The following AGPS variants were observed in gnomAD, a reference collection of about 807,000 sequenced individuals.
The protein encoded by AGPS is alkyldihydroxyacetonephosphate synthase, peroxisomal.
A neutral mutation model predicts 90.7 loss-of-function variants in AGPS; 26 were observed. The observed-to-expected ratio is 0.29, with a 90% CI of 0.21 to 0.40. The LOEUF is 0.40. Among genes scored for constraint, AGPS ranks in the 10% least tolerant of loss-of-function variants. The probability of loss-of-function intolerance (pLI) is 1.00; values close to 1 mark genes in which losing one functional copy is unlikely to be tolerated. For missense variants in AGPS, 540 were observed against 816.1 expected (o/e 0.66, Z 4.12); for synonymous variants, 294 against 285.3 (o/e 1.03, Z -0.31).
intron 10 of AGPS, among the ~76,000 whole-genome samples, chr2:177,469,198 G>A (rs1687540471): frequency 6.6e-6 from 1 of 152,050 alleles, no homozygotes. Context: ...ATGGGAGAGG[G>A]ACATTCCTTA....
At chr2:177,465,338 AC>A (rs76238344) in intron 9 of AGPS, among the ~76,000 whole-genome samples, 107,185 of 151,928 alleles carry the variant, frequency 0.71, 38,189 homozygotes, top group Admixed American at 0.78. Flanking sequence ...CATTTTGAAC[AC>A]TTTTAACATC....
intron 2 of AGPS, among the ~76,000 whole-genome samples, chr2:177,432,091 TG>T (rs1686261822): frequency 6.6e-6 from 1 of 152,104 alleles, no homozygotes; most frequent in East Asian, 1.9e-4. Context: ...TGCCCCAGAG[TG>T]AGAGTCACTT....
intron 2 of AGPS, among the ~76,000 whole-genome samples, chr2:177,429,441 G>A (rs1393143186): frequency 6.6e-6 from 1 of 152,154 alleles, no homozygotes; most frequent in Non-Finnish European, 1.5e-5. Flanking sequence ...TCTCATCTTT[G>A]TGGGATTATC....
chr2:177,463,067 A>G (rs1687347699), intron 9 of AGPS, among the ~76,000 whole-genome samples: 1 of 152,184 alleles, frequency 6.6e-6, no homozygotes, highest in Non-Finnish European at 1.5e-5. Flanking sequence ...AAATAGGCTG[A>G]TTGAAATTGT....
At chr2:177,394,255 A>T (rs1278156030) in intron 1 of AGPS, among the ~76,000 whole-genome samples, 1 of 152,246 alleles carries the variant, frequency 6.6e-6, no homozygotes, top group African/African-American at 2.4e-5. Flanking sequence ...ATACAGCGTT[A>T]TAAGAAACTT....
chr2:177,446,266 G>C (rs940453118), intron 8 of AGPS, among the ~76,000 whole-genome samples: 3 of 151,940 alleles, frequency 2.0e-5, no homozygotes, highest in African/African-American at 7.3e-5. Context: ...CCATTCTCCT[G>C]CCTCAGCCTC....
chr2:177,402,668 T>A (rs1685361563), intron 1 of AGPS, among the ~76,000 whole-genome samples: 1 of 152,212 alleles, frequency 6.6e-6, no homozygotes, highest in African/African-American at 2.4e-5. Flanking sequence ...AACATACGGT[T>A]AAGTGCTAAG....
chr2:177,412,090 A>T (rs547003318), intron 1 of AGPS, among the ~76,000 whole-genome samples: 1 of 152,302 alleles, frequency 6.6e-6, no homozygotes, highest in South Asian at 2.1e-4. Flanking sequence ...AGGACACAGC[A>T]TAGAGCTTCA....
chr2:177,455,872 T>G (rs1032505206), intron 8 of AGPS, among the ~76,000 whole-genome samples: 1 of 152,172 alleles, frequency 6.6e-6, no homozygotes, highest in East Asian at 1.9e-4. Context: ...TATCTGAAGG[T>G]CAGCTTGTAG....
Position 177,543,706 on chromosome 2 carries a change from A to G in AGPS, c.*5511A>G, listed in dbSNP as rs1189227280. ...CACAAGGGCTCAACACATAGTCAGT[A>G]TTCCGTGCTTTCAGTGTGTGTTCAG... On this transcript the variant is annotated 3_prime_UTR_variant, in exon 20 of 20. Transcript: ENST00000264167. 6.6e-6 allele frequency: 1 copy of G among 152,216 alleles called. No individual in the cohort carries two copies. The highest frequency in any genetic ancestry group is 1.5e-5 in the Non-Finnish European group (1 of 68,030). The allele number at this position is 152,216 out of a possible 1,614,324, so 9.4% of individuals were successfully genotyped here.
At chr2:177,524,415 C>A (rs2079062007) in intron 19 of AGPS, among the ~76,000 whole-genome samples, 1 of 152,050 alleles carries the variant, frequency 6.6e-6, no homozygotes, top group African/African-American at 2.4e-5. Flanking sequence ...ATGAGGCAAC[C>A]CTTTAAAACT....
chr2:177,495,477 CT>C (rs1397393017), intron 12 of AGPS, among the ~76,000 whole-genome samples: 17 of 152,198 alleles, frequency 1.1e-4, no homozygotes, highest in African/African-American at 4.1e-4. Flanking sequence ...AGTTTTTGCA[CT>C]GTCTGTAACC....
chr2:177,438,910 G>C (rs533272924), intron 5 of AGPS, among the ~76,000 whole-genome samples: 7 of 152,088 alleles, frequency 4.6e-5, no homozygotes, highest in African/African-American at 1.2e-4. Flanking sequence ...AGGAGGCCTA[G>C]TTTTGAGACA....
At chr2:177,401,749 T>C (rs1685337452) in intron 1 of AGPS, among the ~76,000 whole-genome samples, 1 of 152,180 alleles carries the variant, frequency 6.6e-6, no homozygotes, top group South Asian at 2.1e-4. Context: ...TTCACCCTGT[T>C]GGACCATGCT....
At chr2:177,410,646 C>T (rs144454332) in intron 1 of AGPS, among the ~76,000 whole-genome samples, 1 of 152,160 alleles carries the variant, frequency 6.6e-6, no homozygotes, top group African/African-American at 2.4e-5. Flanking sequence ...TCTTAGGACC[C>T]CTCAGATAAT....
At chr2:177,421,210 T>A (rs553698114) in intron 2 of AGPS, among the ~76,000 whole-genome samples, 2 of 152,130 alleles carry the variant, frequency 1.3e-5, no homozygotes, top group South Asian at 4.1e-4. Flanking sequence ...TATGTAATAC[T>A]TAAATGCTGG....
intron 1 of AGPS, among the ~76,000 whole-genome samples, chr2:177,395,272 A>T (rs1365708052): frequency 6.6e-6 from 1 of 152,238 alleles, no homozygotes; most frequent in African/African-American, 2.4e-5. Context: ...TGTAAGGCAC[A>T]CCAAGATGAT....
At chr2:177,495,787 G>A (rs1158038917) in intron 12 of AGPS, among the ~76,000 whole-genome samples, 6 of 150,212 alleles carry the variant, frequency 4.0e-5, no homozygotes, top group Admixed American at 6.6e-5. Flanking sequence ...GCATGTTGGC[G>A]AGCACCTGTA....
At chr2:177,476,579 C>T (rs975109367) in intron 10 of AGPS, among the ~76,000 whole-genome samples, 7 of 152,012 alleles carry the variant, frequency 4.6e-5, no homozygotes, top group South Asian at 2.1e-4. Context: ...TTTATGACCT[C>T]GCTAGCATGT....
Sources: gnomAD v4.1 joint callset for allele counts (sites outside exome capture counted in the v4.1 genomes callset) on GRCh38, gnomAD v4.1.1 for gene constraint, MANE v1.5 for transcripts, NCBI Gene and HGNC (gene_info 2026-07-23, HGNC 2026-07-21) for gene names.